Variants in KIAA1328 observed in about 807,000 individuals in gnomAD.
KIAA1328 encodes KIAA1328, also known as protein hinderin.
A neutral mutation model predicts 68.1 loss-of-function variants in KIAA1328; 52 were observed. That is an observed-to-expected ratio of 0.76 (90% CI 0.61 to 0.96). The LOEUF is 0.96. KIAA1328 is among the 40% of genes least tolerant of loss of function. The pLI, the probability that KIAA1328 is intolerant of heterozygous loss-of-function variation, is 0.00. For missense variants in KIAA1328, 641 were observed against 677.6 expected (o/e 0.95, Z 0.60); for synonymous variants, 232 against 239.4 (o/e 0.97, Z 0.28).
In KIAA1328 at chr18:36,975,722, C is replaced by T. The variant is rs539916317; in HGVS notation, c.576+16287C>T. 5.9e-5 allele frequency among the ~76,000 whole-genome samples: 9 copies of T among 152,252 alleles called. No individual in the cohort carries two copies. In the East Asian group the frequency reaches 1.7e-3, roughly 29 times the overall value. On this transcript the variant is annotated intron_variant, in intron 6 of 9. Coordinates refer to ENST00000280020, the MANE Select transcript of KIAA1328 (RefSeq NM_020776.3). ...TCCCTCTTGCCAACCGATTTTTTAACTTTTATTATTCAGTGAATACTAAAT... is the reference window on the plus strand; with the variant it reads ...TCCCTCTTGCCAACCGATTTTTTAATTTTTATTATTCAGTGAATACTAAAT...
intron 6 of KIAA1328, among the ~76,000 whole-genome samples, chr18:36,964,201 C>A (rs2051818890): frequency 6.6e-6 from 1 of 152,168 alleles, no homozygotes; most frequent in Non-Finnish European, 1.5e-5. Context: ...ACTAACTCTC[C>A]TTGGCTCTTA....
intron 8 of KIAA1328, among the ~76,000 whole-genome samples, chr18:37,160,911 A>G (rs1460768350): frequency 1.3e-5 from 2 of 152,232 alleles, no homozygotes; most frequent in Non-Finnish European, 2.9e-5. Flanking sequence ...GAAATCAATT[A>G]TAAGTAACTA....
intron 7 of KIAA1328, among the ~76,000 whole-genome samples, chr18:37,088,878 A>T (rs548308693): frequency 1.6e-4 from 25 of 152,260 alleles, no homozygotes; most frequent in African/African-American, 5.8e-4. Context: ...ACATATTAAG[A>T]AAGTATCAGT....
At chr18:36,878,253 T>C (rs977387416) in intron 4 of KIAA1328, among the ~76,000 whole-genome samples, 19 of 152,212 alleles carry the variant, frequency 1.2e-4, no homozygotes, top group African/African-American at 4.3e-4. Flanking sequence ...TGCTTGTCTG[T>C]AAAGGATTTT....
intron 9 of KIAA1328, among the ~76,000 whole-genome samples, chr18:37,209,076 T>A (rs1356542500): frequency 6.6e-6 from 1 of 152,206 alleles, no homozygotes; most frequent in Non-Finnish European, 1.5e-5. Flanking sequence ...TCTGAAGTCA[T>A]TAAAGATAAT....
intron 6 of KIAA1328, among the ~76,000 whole-genome samples, chr18:36,978,773 C>T (rs2052569479): frequency 6.6e-6 from 1 of 152,150 alleles, no homozygotes; most frequent in African/African-American, 2.4e-5. Flanking sequence ...ATTTGCTTTG[C>T]CCAGTACTTC....
chr18:36,935,432 G>A (rs149837231), intron 5 of KIAA1328, among the ~76,000 whole-genome samples: 3 of 152,248 alleles, frequency 2.0e-5, no homozygotes, highest in East Asian at 3.9e-4. Context: ...TCCCCTGTCT[G>A]GTTAAAAGCT....
chr18:37,163,219 A>AT (rs1486020910), intron 8 of KIAA1328, among the ~76,000 whole-genome samples: 12 of 152,072 alleles, frequency 7.9e-5, no homozygotes, highest in Non-Finnish European at 1.5e-4. Context: ...AACTGAGGGC[A>AT]TTTTTTTCTT....
At chr18:37,086,478 C>T (rs1045264697) in intron 7 of KIAA1328, among the ~76,000 whole-genome samples, 2 of 152,094 alleles carry the variant, frequency 1.3e-5, no homozygotes, top group South Asian at 2.1e-4. Context: ...ATTTCCTTAC[C>T]TATCATCCTG....
intron 4 of KIAA1328, among the ~76,000 whole-genome samples, chr18:36,845,473 T>C (rs1250789433): frequency 6.6e-6 from 1 of 151,744 alleles, no homozygotes; most frequent in Non-Finnish European, 1.5e-5. Context: ...ACGTTGCCAT[T>C]ATTGTCCTGC....
chr18:37,067,654 GA>G, intron 7 of KIAA1328, 109 bp downstream of exon 7: 1 of 1,171,484 alleles, frequency 8.5e-7, no homozygotes, highest in South Asian at 1.7e-5. Context: ...TCCGCCTCCC[GA>G]GTTCAAGCAG....
At position 37,181,073 on chromosome 18, in the gene KIAA1328, T is replaced by C. The variant is rs142930561; in HGVS notation, c.1523+7992T>C. Among the ~76,000 whole-genome samples, 893 of 152,274 alleles carry C rather than the reference T, an allele frequency of 5.9e-3. 8 individuals carry two copies. Among genetic ancestry groups the C allele is most frequent in the African/African-American group, 0.02 (847 of 41,578 alleles). ...CAAAATCACTTTTTAAAGTATGAGC[T>C]GTAAGGCTGAGAACTGTAATTTTAG... On this transcript the variant is annotated intron_variant, in intron 9 of 9. Transcript: ENST00000280020.
intron 4 of KIAA1328, among the ~76,000 whole-genome samples, chr18:36,847,549 T>A (rs2150824197): frequency 6.6e-6 from 1 of 151,712 alleles, no homozygotes; most frequent in Admixed American, 6.6e-5. Flanking sequence ...AATGTGTCAT[T>A]CTTCCTTAGT....
chr18:36,970,330 C>A (rs2052136141), intron 6 of KIAA1328, among the ~76,000 whole-genome samples: 1 of 152,138 alleles, frequency 6.6e-6, no homozygotes, highest in Admixed American at 6.5e-5. Context: ...CTATTTATGA[C>A]AAACCCACAG....
At chr18:36,877,311 C>A (rs1251966808) in intron 4 of KIAA1328, among the ~76,000 whole-genome samples, 3 of 152,038 alleles carry the variant, frequency 2.0e-5, no homozygotes, top group African/African-American at 7.2e-5. Flanking sequence ...GAGTCTAAGT[C>A]TCTTTGAAGG....
chr18:36,857,920 G>A (rs2047435750), intron 4 of KIAA1328, among the ~76,000 whole-genome samples: 1 of 152,144 alleles, frequency 6.6e-6, no homozygotes, highest in Admixed American at 6.5e-5. Flanking sequence ...GCTAGGCTAT[G>A]ACTTAATTTT....
chr18:37,090,454 A>G (rs958827141), intron 7 of KIAA1328, among the ~76,000 whole-genome samples: 1 of 152,226 alleles, frequency 6.6e-6, no homozygotes, highest in Non-Finnish European at 1.5e-5. Flanking sequence ...TCAAGGCTCT[A>G]TAGTATTCTC....
intron 5 of KIAA1328, among the ~76,000 whole-genome samples, chr18:36,894,762 C>A (rs953392089): frequency 6.6e-6 from 1 of 152,046 alleles, no homozygotes; most frequent in African/African-American, 2.4e-5. Context: ...TGGGCTCAAG[C>A]GATCCTCTCA....
At chr18:36,854,095 T>C (rs981082430) in intron 4 of KIAA1328, among the ~76,000 whole-genome samples, 2 of 152,204 alleles carry the variant, frequency 1.3e-5, no homozygotes, top group African/African-American at 4.8e-5. Flanking sequence ...TGAGATCATA[T>C]GGGTGAGCCT....
Sources: allele counts gnomAD v4.1 joint callset (sites outside exome capture counted in the v4.1 genomes callset), GRCh38; gene constraint gnomAD v4.1.1; transcripts MANE v1.5; gene names NCBI Gene and HGNC (gene_info 2026-07-23, HGNC 2026-07-21).